FBXO8: variants seen among roughly 807,000 people sequenced by gnomAD.
FBXO8 encodes F-box protein 8.
A neutral mutation model predicts 33.4 loss-of-function variants in FBXO8; 15 were observed. The observed-to-expected ratio is 0.45, with a 90% CI of 0.30 to 0.69. The LOEUF (loss-of-function observed/expected upper bound fraction) is 0.69, where lower values mean the gene tolerates loss of function less well. FBXO8 is among the 30% of genes least tolerant of loss of function. The pLI is 0.08. For synonymous variants in FBXO8, 132 were observed against 131.5 expected, an observed-to-expected ratio of 1.00 and a Z score of -0.02; for missense variants, 274 against 380.3, an observed-to-expected ratio of 0.72 and a Z score of 2.32.
intron 1 of FBXO8, chr4:174,269,277 T>C (rs892227829): frequency 6.6e-6 from 1 of 150,978 alleles, no homozygotes. Flanking sequence ...AAATTCTCCA[T>C]AAGATTTCAA....
rs2126428789 is a variant in FBXO8 at position 174,255,339 on chromosome 4, G to C, written c.456+4360C>G. Among the ~76,000 whole-genome samples, 1 of 152,194 alleles carries C rather than the reference G, an allele frequency of 6.6e-6. No individual in the cohort carries two copies. Among genetic ancestry groups the C allele is most frequent in the African/African-American group, 2.4e-5 (1 of 41,554 alleles). Reference sequence around the variant, plus strand: ...CATATATCTGAGATACTATTTTTAAGAACTGAATGTAAATTCCTGAAATGC... The same window carrying C: ...CATATATCTGAGATACTATTTTTAACAACTGAATGTAAATTCCTGAAATGC... On this transcript the variant is annotated intron_variant, in intron 3 of 5. Coordinates refer to ENST00000393674, the MANE Select transcript of FBXO8 (RefSeq NM_012180.3). This position sits in a 1 kb window ranked among gnomAD's most constrained non-coding sequence, Gnocchi z 4.3.
Position 174,256,055 on chromosome 4 carries a change from C to T in FBXO8, c.456+3644G>A, listed in dbSNP as rs1350880863. 1 of 455,772 alleles carries T rather than the reference C, an allele frequency of 2.2e-6. No homozygotes were observed. Among genetic ancestry groups the T allele is most frequent in the East Asian group, 6.9e-5 (1 of 14,400 alleles). The allele number at this position is 455,772 out of a possible 1,614,324, so 28.2% of individuals were successfully genotyped here. ...AAACTGTGCAGATGTTCTCCCCCAC[C>T]CCATGAGCCACTGCCAGCAGCTGCT... On this transcript the variant is annotated intron_variant, in intron 3 of 5. Coordinates refer to ENST00000393674, the MANE Select transcript of FBXO8 (RefSeq NM_012180.3). This position sits in a 1 kb window ranked among gnomAD's most constrained non-coding sequence, Gnocchi z 4.6.
Position 174,247,343 on chromosome 4 carries a change from GA to G in FBXO8, c.457-6126del, listed in dbSNP as rs556673260. Among the ~76,000 whole-genome samples the G allele has an allele frequency of 6.6e-6, 1 of 151,784 alleles. No homozygotes were observed. On this transcript the variant is annotated intron_variant, in intron 3 of 5. Coordinates refer to ENST00000393674, the MANE Select transcript of FBXO8 (RefSeq NM_012180.3). This position sits in a 1 kb window ranked among gnomAD's most constrained non-coding sequence, Gnocchi z 4.6. ...AAGAACAACATAGTAAAGAAATTTA[GA>G]AAAAAATTTGATTTAGCAAGTTTTG... is the stretch of plus-strand genomic sequence containing the variant.
chr4:174,266,780 T>C (rs1736705807), intron 1 of FBXO8, among the ~76,000 whole-genome samples: 1 of 152,180 alleles, frequency 6.6e-6, no homozygotes, highest in African/African-American at 2.4e-5. Context: ...ATAATAATGA[T>C]AAAAATGTCT....
chr4:174,271,382 A>G (rs952386253), intron 1 of FBXO8, among the ~76,000 whole-genome samples: 1 of 152,126 alleles, frequency 6.6e-6, no homozygotes, highest in Non-Finnish European at 1.5e-5. Context: ...CAATGAGGAT[A>G]TTAACATCTC....
At position 174,275,953 on chromosome 4, in the gene FBXO8, C is replaced by A. The variant is rs1415895369; in HGVS notation, c.-9+7457G>T. Among the ~76,000 whole-genome samples, 1 of 151,858 alleles carries A rather than the reference C, an allele frequency of 6.6e-6. No individual in the cohort carries two copies. The highest frequency in any genetic ancestry group is 1.5e-5 in the Non-Finnish European group (1 of 67,962). On this transcript the variant is annotated intron_variant, in intron 1 of 5. Transcript: ENST00000393674. This position sits in a 1 kb window ranked among gnomAD's most constrained non-coding sequence, Gnocchi z 4.4. ...GATCGATATTTGTGTAACTCTTAGTCTAATAAAAAAGACAATGTACATATA... is the reference window on the plus strand; with the variant it reads ...GATCGATATTTGTGTAACTCTTAGTATAATAAAAAAGACAATGTACATATA...
In FBXO8 at chr4:174,275,754, G is replaced by A. The variant is rs546178472; in HGVS notation, c.-9+7656C>T. Among the ~76,000 whole-genome samples, 2 of 152,246 alleles carry A rather than the reference G, an allele frequency of 1.3e-5. No individual in the cohort carries two copies. Among genetic ancestry groups the A allele is most frequent in the South Asian group, 4.1e-4 (2 of 4,824 alleles). Reference sequence around the variant, plus strand: ...TTAGATTTTGGGAATCCAACTAATTGTGAAAAATCTACAACCTATGAATCA... The same window carrying A: ...TTAGATTTTGGGAATCCAACTAATTATGAAAAATCTACAACCTATGAATCA... On this transcript the variant is annotated intron_variant, in intron 1 of 5. Transcript: ENST00000393674. This position sits in a 1 kb window ranked among gnomAD's most constrained non-coding sequence, Gnocchi z 4.4.
At chr4:174,248,188 T>C (rs941450014) in intron 3 of FBXO8, among the ~76,000 whole-genome samples, 1 of 152,096 alleles carries the variant, frequency 6.6e-6, no homozygotes, top group Non-Finnish European at 1.5e-5. Flanking sequence ...TAATTTTCCA[T>C]GACCTTCTAT....
At position 174,265,030 on chromosome 4, in the gene FBXO8, CAT is replaced by C. The variant is rs1271675628; in HGVS notation, c.-8-1932_-8-1931del. Among the ~76,000 whole-genome samples, 3 of 152,148 alleles carry C rather than the reference CAT, an allele frequency of 2.0e-5. No individual in the cohort carries two copies. The highest frequency in any genetic ancestry group is 6.5e-5 in the Admixed American group (1 of 15,292). On this transcript the variant is annotated intron_variant, in intron 1 of 5. Transcript: ENST00000393674. The surrounding 1 kb of genome is among the most constrained non-coding windows in gnomAD (Gnocchi z 4.7). The stretch of plus-strand genomic sequence containing the variant: ...AAGCACATGAAAAGATGCTCAACAT[CAT>C]ATGTCGTGAGGGAACTGAAAATAAC...
intron 3 of FBXO8, among the ~76,000 whole-genome samples, chr4:174,248,276 A>G (rs1736203681): frequency 6.6e-6 from 1 of 152,074 alleles, no homozygotes; most frequent in South Asian, 2.1e-4. Flanking sequence ...AAATATAACA[A>G]TAGTTATTCC....
At chr4:174,268,177 G>C (rs761133139) in intron 1 of FBXO8, among the ~76,000 whole-genome samples, 1 of 152,142 alleles carries the variant, frequency 6.6e-6, no homozygotes, top group Non-Finnish European at 1.5e-5. Flanking sequence ...GGGAATTACA[G>C]GGTTAGGTTA....
chr4:174,239,485 A>G (rs565025650), intron 4 of FBXO8, among the ~76,000 whole-genome samples: 6 of 151,988 alleles, frequency 3.9e-5, no homozygotes, highest in African/African-American at 1.2e-4. Flanking sequence ...AAAATGAACA[A>G]TTTCTTTTTA....
intron 1 of FBXO8, chr4:174,269,253 A>C (rs1292825054): frequency 6.6e-6 from 1 of 152,300 alleles, no homozygotes; most frequent in East Asian, 1.9e-4. Flanking sequence ...ACAGAGAGAA[A>C]TTATGCTACA....
chr4:174,246,883 G>C (rs572270325), intron 3 of FBXO8, among the ~76,000 whole-genome samples: 2 of 151,952 alleles, frequency 1.3e-5, no homozygotes, highest in Non-Finnish European at 2.9e-5. Flanking sequence ...GGAAAAGAGA[G>C]GGCTGATTTG....
rs986064865 is a variant in FBXO8, at chr4:174,240,197, C to A, written c.575+903G>T. Among the ~76,000 whole-genome samples the A allele has an allele frequency of 3.3e-5, 5 of 150,670 alleles. No individual in the cohort carries two copies. The South Asian group carries it at 1.0e-3, about 32-fold the overall frequency. The stretch of plus-strand genomic sequence containing the variant: ...AAGAAAGAAAAAAACCCCTGCCTAT[C>A]CCTAGGTACTTGGCACTTAAAGACA... On this transcript the variant is annotated intron_variant, in intron 4 of 5. Transcript: ENST00000393674.
At position 174,270,587 on chromosome 4, in the gene FBXO8, C is replaced by T. The variant is rs1487672582; in HGVS notation, c.-8-7487G>A. Among the ~76,000 whole-genome samples the T allele has an allele frequency of 6.6e-6, 1 of 151,370 alleles. No homozygotes were observed. Among genetic ancestry groups the T allele is most frequent in the Admixed American group, 6.6e-5 (1 of 15,200 alleles). ...AATTTAATATGCTAAACTTCAAGAT[C>T]ATTTTTATTCATGCTCATGTCTTAG... On this transcript the variant is annotated intron_variant, in intron 1 of 5. Coordinates refer to ENST00000393674, the MANE Select transcript of FBXO8 (RefSeq NM_012180.3). The surrounding 1 kb of genome is among the most constrained non-coding windows in gnomAD (Gnocchi z 4.6).
rs1736303435 is a variant in FBXO8 at position 174,252,263 on chromosome 4, G to A, written c.456+7436C>T. 6.6e-6 allele frequency among the ~76,000 whole-genome samples: 1 copy of A among 152,024 alleles called. No individual in the cohort carries two copies. Among genetic ancestry groups the A allele is most frequent in the African/African-American group, 2.4e-5 (1 of 41,356 alleles). Reference sequence around the variant, plus strand: ...GGATGACAGGTGTGAGCCACTGACTGTACCCAGTTAGCAATGTTTATTTTT... The same window carrying A: ...GGATGACAGGTGTGAGCCACTGACTATACCCAGTTAGCAATGTTTATTTTT... On this transcript the variant is annotated intron_variant, in intron 3 of 5. Transcript: ENST00000393674. The surrounding 1 kb of genome is among the most constrained non-coding windows in gnomAD (Gnocchi z 5.1).
rs903619467 is a variant in FBXO8 at position 174,259,683 on chromosome 4, C to G, written c.456+16G>C. On this transcript the variant is annotated intron_variant, in intron 3 of 5. Transcript: ENST00000393674. This position sits in a 1 kb window ranked among gnomAD's most constrained non-coding sequence, Gnocchi z 4.3. ...ATAAAGGTCACTGGATACAAATATTCAAGTTCTTCACTAACCTCATCTGGG... is the reference window on the plus strand; with the variant it reads ...ATAAAGGTCACTGGATACAAATATTGAAGTTCTTCACTAACCTCATCTGGG... The G allele has an allele frequency of 6.2e-6, 10 of 1,605,242 alleles. No individual in the cohort carries two copies. The Admixed American group carries it at 1.7e-4, about 28-fold the overall frequency.
rs1363674691 is a variant in FBXO8, at chr4:174,262,738, AT to A, written c.329+25del. ...CATGATTATGTTTAGAGATACCTGA[AT>A]TCAACTTTGGTGGGTTTAACTTACC... On this transcript the variant is annotated intron_variant, in intron 2 of 5. Transcript: ENST00000393674. This position sits in a 1 kb window ranked among gnomAD's most constrained non-coding sequence, Gnocchi z 4.6. 1 of 1,596,138 alleles carries A rather than the reference AT, an allele frequency of 6.3e-7. No homozygotes were observed. The highest frequency in any genetic ancestry group is 2.2e-5 in the East Asian group (1 of 44,676).
Sources: gnomAD v4.1 joint callset for allele counts (sites outside exome capture counted in the v4.1 genomes callset) on GRCh38, gnomAD v4.1.1 for gene constraint, Gnocchi (gnomAD v3.1) non-coding constraint, MANE v1.5 for transcripts, NCBI Gene and HGNC (gene_info 2026-07-23, HGNC 2026-07-21) for gene names.